RNFT2: variants seen among roughly 807,000 people sequenced by gnomAD.
RNFT2 encodes ring finger protein, transmembrane 2, also known as E3 ubiquitin-protein ligase RNFT2.
Under a neutral mutation model 53.0 loss-of-function variants are expected in RNFT2, and 36 were observed. The observed-to-expected ratio is 0.68, with a 90% confidence interval of 0.52 to 0.90. The LOEUF is 0.90. Among genes scored for constraint, RNFT2 ranks in the 40% least tolerant of loss-of-function variants. RNFT2 has a pLI of 0.00. For missense variants in RNFT2, 514 were observed against 585.6 expected, an observed-to-expected ratio of 0.88 and a Z score of 1.26; for synonymous variants, 260 against 253.2, an observed-to-expected ratio of 1.03 and a Z score of -0.26.
chr12:116,848,455 C>G (rs1367673523), intron 10 of RNFT2, among the ~76,000 whole-genome samples: 2 of 151,934 alleles, frequency 1.3e-5, no homozygotes, highest in Non-Finnish European at 2.9e-5. Flanking sequence ...TACCATGGGC[C>G]CCTTACTTCT....
Position 116,833,866 on chromosome 12 carries a change from A to G in RNFT2, c.957A>G (p.Lys319=), listed in dbSNP as rs1048989484. The G allele has an allele frequency of 1.3e-5, 21 of 1,613,364 alleles. No homozygotes were observed. The highest frequency in any genetic ancestry group is 1.7e-5 in the Non-Finnish European group (20 of 1,179,706). The change falls in exon 8 of 11, where the codon AAA becomes AAG. Residue 319 remains lysine, a synonymous_variant. Transcript: ENST00000257575. The part of the protein sequence containing the change: ...RSLVPIQLWY[K]YIMGDDSSNS... ...TTGTCCCCATCCAGCTGTGGTACAA[A>G]TACATCATGGGTGACGACTCCTCCA...
In RNFT2 at chr12:116,849,779, C is replaced by CT. The variant is rs1592996693; in HGVS notation, c.*337dup. The CT allele has an allele frequency of 2.4e-5, 26 of 1,079,430 alleles. No homozygotes were observed. Among genetic ancestry groups the CT allele is most frequent in the Non-Finnish European group, 2.8e-5 (25 of 885,884 alleles). The allele number at this position is 1,079,430 out of a possible 1,614,324, so 66.9% of individuals were successfully genotyped here. A position where few individuals can be genotyped will look rare whatever the true frequency, so the allele number is the denominator to read the frequency against. ...CCCACTTGTTGGTTATTTTCTCTTT[C>CT]TTTTTTCTTTTCTTTTCTTTCTCTC... On this transcript the variant is annotated 3_prime_UTR_variant, in exon 11 of 11. Coordinates refer to ENST00000257575, the MANE Select transcript of RNFT2 (RefSeq NM_001382266.1).
At chr12:116,757,075 T>C (rs987445576) in intron 5 of RNFT2, among the ~76,000 whole-genome samples, 10 of 152,172 alleles carry the variant, frequency 6.6e-5, no homozygotes, top group African/African-American at 2.4e-4. Flanking sequence ...TTTCCAGGAA[T>C]TTATCCATCT....
intron 3 of RNFT2, among the ~76,000 whole-genome samples, chr12:116,744,241 A>AG (rs1871788578): frequency 6.6e-6 from 1 of 151,732 alleles, no homozygotes; most frequent in Non-Finnish European, 1.5e-5. Context: ...AAAAAAAAAA[A>AG]AAGAGTTGTT....
intron 6 of RNFT2, 101 bp downstream of exon 6, chr12:116,767,015 C>T: frequency 1.4e-6 from 1 of 738,818 alleles, no homozygotes; most frequent in Non-Finnish European, 2.3e-6. Context: ...AGCTCTATGT[C>T]ATGTTGTAAC....
intron 7 of RNFT2, among the ~76,000 whole-genome samples, chr12:116,818,743 T>TC (rs1002747884): frequency 9.2e-5 from 14 of 152,192 alleles, no homozygotes; most frequent in African/African-American, 3.4e-4. Context: ...TGGGTACAAG[T>TC]CCCAGTTCTG....
At chr12:116,803,051 C>T (rs575044940) in intron 7 of RNFT2, among the ~76,000 whole-genome samples, 13 of 151,926 alleles carry the variant, frequency 8.6e-5, no homozygotes, top group Admixed American at 2.6e-4. Context: ...GCCGAGATCA[C>T]GCCACTGCAC....
chr12:116,818,196 AC>A (rs762249650), intron 7 of RNFT2, among the ~76,000 whole-genome samples: 18 of 152,000 alleles, frequency 1.2e-4, no homozygotes, highest in Non-Finnish European at 1.6e-4. Flanking sequence ...GGTGGCACAC[AC>A]CTGTGGTCCC....
chr12:116,833,593 G>A (rs561857023), intron 7 of RNFT2, among the ~76,000 whole-genome samples, 199 bp from the exon 8 acceptor site: 1 of 152,310 alleles, frequency 6.6e-6, no homozygotes, highest in East Asian at 1.9e-4. Context: ...CTGGGTGGCG[G>A]GTGAGGGCAG....
chr12:116,739,629 G>A (rs1187988001), intron 1 of RNFT2, among the ~76,000 whole-genome samples: 2 of 152,252 alleles, frequency 1.3e-5, no homozygotes, highest in African/African-American at 4.8e-5. Context: ...AGTATTCCAA[G>A]GGGAGGGCAC....
In RNFT2 at chr12:116,784,173, G is replaced by C. The variant is rs150413379; in HGVS notation, c.882+4825G>C. On this transcript the variant is annotated intron_variant, in intron 7 of 10. Coordinates refer to ENST00000257575, the MANE Select transcript of RNFT2 (RefSeq NM_001382266.1). The stretch of plus-strand genomic sequence containing the variant: ...GAGATGCTGTCCAGTTACTGCACGG[G>C]GCATTGTACAGATTCACTTCTGTAA... Among the ~76,000 whole-genome samples, 12 of 152,284 alleles carry C rather than the reference G, an allele frequency of 7.9e-5. No individual in the cohort carries two copies. In the East Asian group the frequency reaches 2.3e-3, roughly 29 times the overall value.
chr12:116,821,309 C>T (rs1355410107), intron 7 of RNFT2, among the ~76,000 whole-genome samples: 2 of 152,150 alleles, frequency 1.3e-5, no homozygotes, highest in African/African-American at 4.8e-5. Flanking sequence ...TCCCACCCCT[C>T]CTGGCCGGGC....
intron 7 of RNFT2, among the ~76,000 whole-genome samples, chr12:116,820,503 G>A (rs1875956975): frequency 6.6e-6 from 1 of 152,156 alleles, no homozygotes; most frequent in African/African-American, 2.4e-5. Context: ...AACATTTCCG[G>A]CATCTGGAAA....
chr12:116,764,295 A>G (rs567556135), intron 5 of RNFT2, among the ~76,000 whole-genome samples: 2 of 152,282 alleles, frequency 1.3e-5, no homozygotes, highest in Admixed American at 6.5e-5. Flanking sequence ...CTCACAAATC[A>G]CCACAAAAGA....
chr12:116,852,343 G>A lies in RNFT2; in HGVS notation c.*2895G>A. 7.8e-7 allele frequency: 1 copy of A among 1,281,836 alleles called. No individual in the cohort carries two copies. Among genetic ancestry groups the A allele is most frequent in the Non-Finnish European group, 9.9e-7 (1 of 1,009,752 alleles). The allele number at this position is 1,281,836 out of a possible 1,614,324, so 79.4% of individuals were successfully genotyped here. On this transcript the variant is annotated 3_prime_UTR_variant, in exon 11 of 11. Transcript: ENST00000257575. ...TTCCCCCTGCCCCGCCGTAGATTCAGGACATTTGCCCCTGTGTGCCACCAA... is the reference window on the plus strand; with the variant it reads ...TTCCCCCTGCCCCGCCGTAGATTCAAGACATTTGCCCCTGTGTGCCACCAA...
At chr12:116,773,987 CACATGCTGCA>C (rs1205505983) in intron 6 of RNFT2, among the ~76,000 whole-genome samples, 3 of 152,216 alleles carry the variant, frequency 2.0e-5, no homozygotes, top group African/African-American at 7.2e-5. Flanking sequence ...GAAATTCTGA[CACATGCTGCA>C]ACATGGATGA....
chr12:116,742,835 C>T (rs2137061452), intron 3 of RNFT2, among the ~76,000 whole-genome samples: 1 of 152,146 alleles, frequency 6.6e-6, no homozygotes, highest in Middle Eastern at 3.4e-3. Flanking sequence ...ATAGTCTCAG[C>T]ACTTTGGGAA....
intron 5 of RNFT2, among the ~76,000 whole-genome samples, chr12:116,765,695 A>T (rs2137097361): frequency 6.6e-6 from 1 of 152,254 alleles, no homozygotes; most frequent in Non-Finnish European, 1.5e-5. Flanking sequence ...CAAACTGAGG[A>T]TTTCCAATTT....
intron 10 of RNFT2, among the ~76,000 whole-genome samples, chr12:116,841,410 AC>A (rs1452393823): frequency 6.6e-6 from 1 of 151,944 alleles, no homozygotes; most frequent in Non-Finnish European, 1.5e-5. Context: ...CCGAGATTGC[AC>A]CACTACACCA....
Sources: gnomAD v4.1 joint callset for allele counts (sites outside exome capture counted in the v4.1 genomes callset) on GRCh38, gnomAD v4.1.1 for gene constraint, MANE v1.5 for transcripts, NCBI Gene and HGNC (gene_info 2026-07-23, HGNC 2026-07-21) for gene names.